PUDP: variants seen among roughly 807,000 people sequenced by gnomAD.
The protein encoded by PUDP is pseudouridine-5'-phosphatase.
In PUDP, 8 loss-of-function variants were observed where a neutral mutation model predicts 9.4. That is an observed-to-expected ratio of 0.85 (90% CI 0.50 to 1.53). The LOEUF is 1.53. Among genes scored for constraint, PUDP ranks in the 40% most tolerant of loss-of-function variants. The pLI, the probability that PUDP is intolerant of heterozygous loss-of-function variation, is 0.00. For missense variants in PUDP, 188 were observed against 189.7 expected, an observed-to-expected ratio of 0.99 and a Z score of 0.05; for synonymous variants, 99 against 80.7, an observed-to-expected ratio of 1.23 and a Z score of -1.22.
Position 6,869,567 on chromosome X carries a change from C to A in PUDP, c.*247+107566G>T, listed in dbSNP as rs72609566. Among the ~76,000 whole-genome samples, 72 of 111,275 alleles carry A rather than the reference C, an allele frequency of 6.5e-4. 1 individual carries two copies. Among genetic ancestry groups the A allele is most frequent in the Middle Eastern group, 4.6e-3 (1 of 217 alleles). ...TGGTGAATTGAAATTCCAGCAGTGACTGTGTCAGCAAACAAGGGAGAGCTC... is the reference window on the plus strand; with the variant it reads ...TGGTGAATTGAAATTCCAGCAGTGAATGTGTCAGCAAACAAGGGAGAGCTC... On this transcript the variant is annotated intron_variant and NMD_transcript_variant, in intron 3 of 3. Coordinates refer to the PUDP transcript ENST00000655425.
chrX:6,928,970 G>A (rs773806816), intron 3 of PUDP, among the ~76,000 whole-genome samples: 5 of 111,754 alleles, frequency 4.5e-5, no homozygotes, highest in African/African-American at 6.5e-5. Flanking sequence ...ACACTCTGAC[G>A]TATGTTAGGG....
At chrX:6,812,657 G>A (rs190789211) in intron 3 of PUDP, among the ~76,000 whole-genome samples, 16 of 112,075 alleles carry the variant, frequency 1.4e-4, no homozygotes, top group Non-Finnish European at 3.8e-5. Context: ...TTCAAGTTCT[G>A]CCATCAAGTT....
At chrX:6,847,159 G>GGCTCTT (rs1241208028) in intron 3 of PUDP, among the ~76,000 whole-genome samples, 1 of 111,469 alleles carries the variant, frequency 9.0e-6, no homozygotes, top group Non-Finnish European at 1.9e-5. Context: ...AAAACTCTGT[G>GGCTCTT]GCTCTTGCAG....
chrX:6,892,259 T>C (rs1183095784), intron 3 of PUDP, among the ~76,000 whole-genome samples: 2 of 112,064 alleles, frequency 1.8e-5, no homozygotes, highest in Non-Finnish European at 3.8e-5. Context: ...ATAACCCTAC[T>C]GCTATGGACT....
chrX:7,024,781 C>T (rs1392821615), intron 1 of PUDP, among the ~76,000 whole-genome samples: 1 of 21,622 alleles, frequency 4.6e-5, no homozygotes, highest in Non-Finnish European at 9.7e-5. Flanking sequence ...TTAGTAGAGA[C>T]GGGGTTTCAC....
At chrX:6,977,023 G>A (rs1275953585) in intron 3 of PUDP, among the ~76,000 whole-genome samples, 1 of 112,213 alleles carries the variant, frequency 8.9e-6, no homozygotes, top group Non-Finnish European at 1.9e-5. Context: ...AAACTCTAAG[G>A]ATTTATATCC....
At chrX:6,859,168 T>C (rs1037232707) in intron 3 of PUDP, among the ~76,000 whole-genome samples, 4 of 111,943 alleles carry the variant, frequency 3.6e-5, no homozygotes. Context: ...TCCTCAGCCA[T>C]GCAGAACTGT....
intron 3 of PUDP, among the ~76,000 whole-genome samples, chrX:6,759,968 T>C (rs950872745): frequency 1.8e-5 from 2 of 111,945 alleles, no homozygotes; most frequent in African/African-American, 6.5e-5. Context: ...CAAAAGCACA[T>C]TGCCATGGTG....
chrX:6,916,229 CACACACACACACACA>C (rs1927928882), intron 3 of PUDP, among the ~76,000 whole-genome samples: 1 of 105,438 alleles, frequency 9.5e-6, no homozygotes, highest in African/African-American at 3.5e-5. Context: ...CACACACACA[CACACACACACACACA>C]CACACCCTGG....
At chrX:6,967,966 G>GC (rs1292766525) in intron 3 of PUDP, among the ~76,000 whole-genome samples, 1 of 112,163 alleles carries the variant, frequency 8.9e-6, no homozygotes, top group Non-Finnish European at 1.9e-5. Flanking sequence ...AGACAGACAG[G>GC]CTGGCTGGGT....
chrX:6,837,307 C>T (rs1926597636), intron 3 of PUDP, among the ~76,000 whole-genome samples: 1 of 112,631 alleles, frequency 8.9e-6, no homozygotes, highest in African/African-American at 3.2e-5. Context: ...TCTGCTATCA[C>T]ATCAGACAGT....
intron 1 of PUDP, among the ~76,000 whole-genome samples, chrX:7,133,304 G>C (rs1932666128): frequency 8.9e-6 from 1 of 111,824 alleles, no homozygotes. Flanking sequence ...CATCAGAGCA[G>C]AAGCATGTGC....
At chrX:7,122,862 T>A (rs1316734765) in intron 1 of PUDP, among the ~76,000 whole-genome samples, 1 of 112,898 alleles carries the variant, frequency 8.9e-6, no homozygotes, top group African/African-American at 3.2e-5. Context: ...AGTATTTGAA[T>A]AAAGATTAAT....
chrX:6,751,320 C>T (rs1332889000), intron 3 of PUDP, among the ~76,000 whole-genome samples: 1 of 111,631 alleles, frequency 9.0e-6, no homozygotes, highest in African/African-American at 3.3e-5. Context: ...TGCCCTTCAT[C>T]ATTGCTATAG....
At chrX:7,051,389 A>G (rs968490061) in intron 3 of PUDP, among the ~76,000 whole-genome samples, 1 of 111,193 alleles carries the variant, frequency 9.0e-6, no homozygotes, top group Non-Finnish European at 1.9e-5. Context: ...TTTGGGGACT[A>G]GCGGGGTGAG....
rs772887371 is a variant in PUDP at position 6,825,862 on chromosome X, T to C, written c.*248-119396A>G. On this transcript the variant is annotated intron_variant and NMD_transcript_variant, in intron 3 of 3. Transcript: ENST00000655425. ...ACATGTCAGAAACAGGGGTTATTTC[T>C]TATAGGTTGGTTTATACCTAAGACC... is the stretch of plus-strand genomic sequence containing the variant. Among the ~76,000 whole-genome samples, 3 of 111,610 alleles carry C rather than the reference T, an allele frequency of 2.7e-5. No homozygotes were observed. The South Asian group carries it at 1.2e-3, about 43-fold the overall frequency.
intron 3 of PUDP, among the ~76,000 whole-genome samples, chrX:6,882,467 G>C (rs1374779621): frequency 9.0e-6 from 1 of 111,711 alleles, no homozygotes; most frequent in Non-Finnish European, 1.9e-5. Flanking sequence ...GGCTGTCTGT[G>C]TTTGAGAAGA....
At chrX:6,769,869 T>C (rs1293225834) in intron 3 of PUDP, among the ~76,000 whole-genome samples, 2 of 112,160 alleles carry the variant, frequency 1.8e-5, no homozygotes, top group Non-Finnish European at 3.8e-5. Flanking sequence ...TTTACAGTCA[T>C]GTGCTGGGGT....
intron 1 of PUDP, among the ~76,000 whole-genome samples, chrX:7,032,241 A>G (rs1388387438): frequency 1.8e-5 from 2 of 112,291 alleles, no homozygotes; most frequent in Admixed American, 9.4e-5. Context: ...AACGACTGAC[A>G]ATACTAAGTT....
Sources: gnomAD v4.1 joint callset for allele counts (sites outside exome capture counted in the v4.1 genomes callset) on GRCh38, gnomAD v4.1.1 for gene constraint, MANE v1.5 for transcripts, NCBI Gene and HGNC (gene_info 2026-07-23, HGNC 2026-07-21) for gene names.